CYP3A7: variants seen among roughly 807,000 people sequenced by gnomAD.
CYP3A7 encodes the protein cytochrome P450 3A7.
CYP3A7 carries 45 observed loss-of-function variants against 55.2 expected under a neutral mutation model. The ratio of observed to expected loss-of-function variants is 0.82; its 90% CI spans 0.64 to 1.05. The LOEUF (loss-of-function observed/expected upper bound fraction) is 1.05. CYP3A7 is among the 50% of genes least tolerant of loss of function. The probability of loss-of-function intolerance (pLI) is 0.00; values close to 1 mark genes in which losing one functional copy is unlikely to be tolerated. For synonymous variants in CYP3A7, 180 were observed against 207.4 expected, an observed-to-expected ratio of 0.87 and a Z score of 1.13; for missense variants, 548 against 605.3, an observed-to-expected ratio of 0.91 and a Z score of 0.99.
In CYP3A7 at chr7:99,720,431, G is replaced by A; in HGVS notation, c.219-19C>T. 2 of 1,613,032 alleles carry A rather than the reference G, an allele frequency of 1.2e-6. No individual in the cohort carries two copies. The highest frequency in any genetic ancestry group is 1.7e-6 in the Non-Finnish European group (2 of 1,179,276). ...ATAAATACTGTGTGGAGAAAACAGAGTTGATTAAACATCAACAGCCTTATG... is the reference window on the plus strand; with the variant it reads ...ATAAATACTGTGTGGAGAAAACAGAATTGATTAAACATCAACAGCCTTATG... On this transcript the variant is annotated intron_variant, in intron 3 of 12. Coordinates refer to ENST00000336374, the MANE Select transcript of CYP3A7 (RefSeq NM_000765.5).
At chr7:99,708,676 A>G (rs1313531877) in intron 11 of CYP3A7, among the ~76,000 whole-genome samples, 1 of 152,140 alleles carries the variant, frequency 6.6e-6, no homozygotes, top group Non-Finnish European at 1.5e-5. Context: ...TTTTTATTCA[A>G]ATTTGATTCC....
chr7:99,708,356 G>A (rs1299473753), intron 11 of CYP3A7, among the ~76,000 whole-genome samples: 2 of 152,106 alleles, frequency 1.3e-5, no homozygotes, highest in East Asian at 3.8e-4. Context: ...TCATGAGGAA[G>A]GAGAAGAAAT....
intron 9 of CYP3A7, among the ~76,000 whole-genome samples, chr7:99,711,460 C>T (rs1813746091): frequency 6.6e-6 from 1 of 152,108 alleles, no homozygotes; most frequent in African/African-American, 2.4e-5. Context: ...GGATCATAAG[C>T]ATCTGTGACC....
chr7:99,731,058 C>T lies in CYP3A7; in HGVS notation c.165+1G>A, dbSNP rs45607931. Reference sequence around the variant, plus strand: ...AAAAGAGGAAGCTCAAAAACACTCACCTTACGGAAGGACAAAGCATTTCCC... The same window carrying T: ...AAAAGAGGAAGCTCAAAAACACTCATCTTACGGAAGGACAAAGCATTTCCC... On this transcript the variant is annotated splice_donor_variant, in intron 2 of 12. Coordinates refer to ENST00000336374, the MANE Select transcript of CYP3A7 (RefSeq NM_000765.5). LOFTEE classifies it high-confidence loss of function. 4 of 1,613,780 alleles carry T rather than the reference C, an allele frequency of 2.5e-6. No individual in the cohort carries two copies. The East Asian group carries it at 6.7e-5, about 27-fold the overall frequency.
intron 2 of CYP3A7, chr7:99,730,835 T>G: frequency 1.9e-6 from 1 of 525,358 alleles, no homozygotes; most frequent in East Asian, 3.3e-5. Context: ...GATTGCTGGA[T>G]CTACTTGACA....
chr7:99,717,401 A>G, intron 5 of CYP3A7, 125 bp downstream of exon 5: 3 of 1,588,640 alleles, frequency 1.9e-6, no homozygotes, highest in Non-Finnish European at 2.6e-6. Context: ...ACATAAAAAG[A>G]CTATTTTTAG....
intron 2 of CYP3A7, 89 bp from the exon 3 acceptor site, chr7:99,722,437 T>A: frequency 6.6e-7 from 1 of 1,520,432 alleles, no homozygotes; most frequent in South Asian, 1.2e-5. Flanking sequence ...TCAAATCCAA[T>A]GAAATTAGAC....
chr7:99,729,230 A>T (rs1298224933), intron 2 of CYP3A7, among the ~76,000 whole-genome samples: 2 of 152,228 alleles, frequency 1.3e-5, no homozygotes, highest in African/African-American at 4.8e-5. Context: ...ATAAAAACAC[A>T]TTCAGACTAT....
At chr7:99,731,878 T>C (rs1185447167) in intron 1 of CYP3A7, among the ~76,000 whole-genome samples, 1 of 152,162 alleles carries the variant, frequency 6.6e-6, no homozygotes, top group East Asian at 1.9e-4. Flanking sequence ...ATTTGAGCTA[T>C]TGGGGAGGAT....
At chr7:99,715,659 T>G (rs1813914403) in intron 7 of CYP3A7, 99 bp downstream of exon 7, 13 of 1,586,512 alleles carry the variant, frequency 8.2e-6, no homozygotes, top group Non-Finnish European at 1.0e-5. Context: ...ACCATTAAAC[T>G]GTACATTTTA....
chr7:99,720,265 A>T, intron 4 of CYP3A7, 48 bp downstream of exon 4: 4 of 1,606,282 alleles, frequency 2.5e-6, no homozygotes, highest in Non-Finnish European at 3.4e-6. Flanking sequence ...TTAAAATAAA[A>T]ATTTAATCAA....
intron 2 of CYP3A7, among the ~76,000 whole-genome samples, chr7:99,724,363 T>C (rs1462423404): frequency 6.6e-6 from 1 of 152,202 alleles, no homozygotes. Flanking sequence ...ATGATTTTTG[T>C]TGAAAAATGG....
rs900348837 is a variant in CYP3A7 at position 99,710,904 on chromosome 7, G to C, written c.866-12C>G. ...CAGATCAGACAGAGCTGAAAGGAGA[G>C]AAAAGACATTTTAGGTAAATCAGGT... On this transcript the variant is annotated splice_polypyrimidine_tract_variant and intron_variant, in intron 9 of 12. Coordinates refer to ENST00000336374, the MANE Select transcript of CYP3A7 (RefSeq NM_000765.5). 6 of 1,613,452 alleles carry C rather than the reference G, an allele frequency of 3.7e-6. No homozygotes were observed. In the African/African-American group the frequency reaches 5.3e-5, roughly 14 times the overall value.
At chr7:99,707,497 C>T (rs1232094066) in intron 12 of CYP3A7, among the ~76,000 whole-genome samples, 1 of 152,140 alleles carries the variant, frequency 6.6e-6, no homozygotes, top group Non-Finnish European at 1.5e-5. Context: ...ATAAGTGCAC[C>T]TCATGATTGT....
chr7:99,714,425 C>T, intron 8 of CYP3A7, 130 bp downstream of exon 8: 1 of 1,413,906 alleles, frequency 7.1e-7, no homozygotes, highest in Non-Finnish European at 9.5e-7. Flanking sequence ...AATTATCTTG[C>T]TCTAAACATA....
chr7:99,707,722 A>T, intron 12 of CYP3A7, 90 bp downstream of exon 12: 15 of 1,570,584 alleles, frequency 9.6e-6, no homozygotes, highest in Non-Finnish European at 1.3e-5. Context: ...TTATTAAAAG[A>T]TTAAGTGAGT....
rs150667136 is a variant in CYP3A7 at position 99,705,147 on chromosome 7, C to G, written c.*353G>C. Reference sequence around the variant, plus strand: ...ACTGTTAGAGCCATCAAAATAATTCCTATTTTTATTAATGATTGTGGTTGA... The same window carrying G: ...ACTGTTAGAGCCATCAAAATAATTCGTATTTTTATTAATGATTGTGGTTGA... On this transcript the variant is annotated 3_prime_UTR_variant, in exon 13 of 13. Transcript: ENST00000336374. The G allele has an allele frequency of 4.3e-3, 1,058 of 247,256 alleles. 7 individuals carry two copies. The highest frequency in any genetic ancestry group is 0.022 in the African/African-American group (994 of 44,730). The allele number at this position is 247,256 out of a possible 1,614,324, so 15.3% of individuals were successfully genotyped here.
At chr7:99,708,567 C>T (rs1274041337) in intron 11 of CYP3A7, among the ~76,000 whole-genome samples, 1 of 152,074 alleles carries the variant, frequency 6.6e-6, no homozygotes, top group Non-Finnish European at 1.5e-5. Flanking sequence ...TTTACACAGG[C>T]ATATGATGCT....
intron 9 of CYP3A7, among the ~76,000 whole-genome samples, chr7:99,711,262 CT>C (rs1460068893): frequency 2.6e-5 from 4 of 152,166 alleles, no homozygotes; most frequent in Non-Finnish European, 4.4e-5. Flanking sequence ...ATGGGGTAGT[CT>C]TCTCTCCCAA....
Sources: allele counts gnomAD v4.1 joint callset (sites outside exome capture counted in the v4.1 genomes callset), GRCh38; gene constraint gnomAD v4.1.1; transcripts MANE v1.5; gene names NCBI Gene and HGNC (gene_info 2026-07-23, HGNC 2026-07-21).